The following LUZP2 variants were observed in gnomAD, a reference collection of about 807,000 sequenced individuals.
LUZP2 encodes the protein leucine zipper protein 2.
A neutral mutation model predicts 51.6 loss-of-function variants in LUZP2; 52 were observed. The observed-to-expected ratio is 1.01, with a 90% CI of 0.81 to 1.27. LUZP2 has a LOEUF of 1.27. LUZP2 is among the 50% of genes most tolerant of loss of function. LUZP2 has a pLI of 0.00. For missense variants in LUZP2, 436 were observed against 395.4 expected, an observed-to-expected ratio of 1.10 and a Z score of -0.87; for synonymous variants, 154 against 137.3, an observed-to-expected ratio of 1.12 and a Z score of -0.85.
At chr11:24,648,113 C>CA (rs921939339) in intron 1 of LUZP2, among the ~76,000 whole-genome samples, 26 of 151,396 alleles carry the variant, frequency 1.7e-4, no homozygotes, top group Non-Finnish European at 2.1e-4. Flanking sequence ...AACACTGATG[C>CA]AAAAAAAATG....
intron 1 of LUZP2, among the ~76,000 whole-genome samples, chr11:24,523,283 AT>A (rs1224329501): frequency 6.6e-6 from 1 of 151,906 alleles, no homozygotes; most frequent in African/African-American, 2.4e-5. Flanking sequence ...GAAGTAGCTT[AT>A]TTTTATTTAA....
At chr11:24,920,401 A>T (rs570798498) in intron 7 of LUZP2, among the ~76,000 whole-genome samples, 1 of 152,112 alleles carries the variant, frequency 6.6e-6, no homozygotes, top group African/African-American at 2.4e-5. Flanking sequence ...GTGAATCAAA[A>T]ATATTTGAAC....
intron 5 of LUZP2, among the ~76,000 whole-genome samples, chr11:24,792,814 C>T (rs1370907965): frequency 1.3e-5 from 2 of 152,186 alleles, no homozygotes; most frequent in Non-Finnish European, 2.9e-5. Context: ...GTTCTCCCTG[C>T]ATGAACTTGG....
chr11:25,044,680 T>G (rs139360450), intron 9 of LUZP2, among the ~76,000 whole-genome samples: 1 of 150,898 alleles, frequency 6.6e-6, no homozygotes, highest in African/African-American at 2.4e-5. Flanking sequence ...GAACTAGAAA[T>G]AGCATTTGAC....
At chr11:24,798,987 C>A (rs76309907) in intron 5 of LUZP2, among the ~76,000 whole-genome samples, 1 of 152,078 alleles carries the variant, frequency 6.6e-6, no homozygotes, top group East Asian at 1.9e-4. Context: ...TTGAGGCACA[C>A]AAAATTTACA....
chr11:24,632,538 T>C (rs894493620), intron 1 of LUZP2, among the ~76,000 whole-genome samples: 1 of 151,980 alleles, frequency 6.6e-6, no homozygotes, highest in African/African-American at 2.4e-5. Context: ...TGTATGGCCT[T>C]AGGAATCCCA....
At chr11:24,787,204 A>G (rs2716471) in intron 5 of LUZP2, among the ~76,000 whole-genome samples, 114,906 of 152,032 alleles carry the variant, frequency 0.76, 43,897 homozygotes, top group East Asian at 0.85. Flanking sequence ...CAAATCATCT[A>G]GAGCCTGAAG....
chr11:24,508,479 A>C (rs117042619), intron 1 of LUZP2, among the ~76,000 whole-genome samples: 6,986 of 152,182 alleles, frequency 0.046, 188 homozygotes, highest in Middle Eastern at 0.092. Flanking sequence ...ATATATTAGC[A>C]TGGTAATATC....
intron 5 of LUZP2, among the ~76,000 whole-genome samples, chr11:24,876,197 C>A (rs1190564784): frequency 6.8e-6 from 1 of 148,032 alleles, no homozygotes; most frequent in Non-Finnish European, 1.5e-5. Flanking sequence ...AATGGTAATG[C>A]CTAGGTTTTC....
At chr11:25,050,405 C>T (rs1389602102) in intron 10 of LUZP2, among the ~76,000 whole-genome samples, 2 of 147,096 alleles carry the variant, frequency 1.4e-5, no homozygotes, top group Non-Finnish European at 1.5e-5. Context: ...CCCGGGTTCA[C>T]GCCATTCTCC....
At chr11:24,945,160 T>C (rs1250552312) in intron 7 of LUZP2, among the ~76,000 whole-genome samples, 1 of 152,164 alleles carries the variant, frequency 6.6e-6, no homozygotes, top group African/African-American at 2.4e-5. Context: ...AGCAATATAA[T>C]TGGATGTCAA....
chr11:25,033,694 T>G (rs1420796120), intron 9 of LUZP2, among the ~76,000 whole-genome samples: 2 of 152,156 alleles, frequency 1.3e-5, no homozygotes, highest in South Asian at 2.1e-4. Context: ...TCTGTTCCCA[T>G]GTTAATTCAC....
In LUZP2 at chr11:24,842,200, T is replaced by G. The variant is rs575785100; in HGVS notation, c.397-63791T>G. ...AGAGGGGCATTATTTAATATTAAAA[T>G]TTTCAATTATATTTATATTATTAGT... is the stretch of plus-strand genomic sequence containing the variant. On this transcript the variant is annotated intron_variant, in intron 5 of 11. Coordinates refer to ENST00000336930, the MANE Select transcript of LUZP2 (RefSeq NM_001009909.4). 3.5e-3 allele frequency among the ~76,000 whole-genome samples: 530 copies of G among 149,462 alleles called. 2 individuals are homozygous for G. Among genetic ancestry groups the G allele is most frequent in the African/African-American group, 0.012 (499 of 41,070 alleles).
At chr11:24,972,978 T>C (rs1303651418) in intron 7 of LUZP2, among the ~76,000 whole-genome samples, 1 of 151,846 alleles carries the variant, frequency 6.6e-6, no homozygotes, top group African/African-American at 2.4e-5. Flanking sequence ...TTCAACTGTT[T>C]GTGATAGTTT....
intron 1 of LUZP2, among the ~76,000 whole-genome samples, chr11:24,674,769 C>A (rs1487662742): frequency 6.6e-6 from 1 of 152,110 alleles, no homozygotes; most frequent in African/African-American, 2.4e-5. Context: ...CCCCTTTTCT[C>A]CCTCTCCTGC....
intron 5 of LUZP2, among the ~76,000 whole-genome samples, chr11:24,817,111 T>A (rs1850212421): frequency 6.6e-6 from 1 of 152,026 alleles, no homozygotes; most frequent in South Asian, 2.1e-4. Context: ...GTAATTTGAT[T>A]ATTAACAATG....
At chr11:24,566,333 T>A (rs866494416) in intron 1 of LUZP2, among the ~76,000 whole-genome samples, 8,143 of 119,812 alleles carry the variant, frequency 0.068, 278 homozygotes, top group African/African-American at 0.15. Context: ...TTTATTTTTT[T>A]TTTTTTTTTT....
intron 7 of LUZP2, among the ~76,000 whole-genome samples, chr11:24,923,626 G>A (rs1854139578): frequency 6.6e-6 from 1 of 152,174 alleles, no homozygotes; most frequent in South Asian, 2.1e-4. Context: ...GAATCCGGGA[G>A]GCAGAGGTTG....
intron 9 of LUZP2, among the ~76,000 whole-genome samples, chr11:24,994,150 C>T (rs1281098276): frequency 2.9e-5 from 4 of 137,734 alleles, no homozygotes; most frequent in Non-Finnish European, 4.6e-5. Context: ...TGAGCCACTG[C>T]ACCTGGCCCT....
Sources: gnomAD v4.1 joint callset for allele counts (sites outside exome capture counted in the v4.1 genomes callset) on GRCh38, gnomAD v4.1.1 for gene constraint, MANE v1.5 for transcripts, NCBI Gene and HGNC (gene_info 2026-07-23, HGNC 2026-07-21) for gene names.